The following MCTP1 variants were observed in gnomAD, a reference collection of about 807,000 sequenced individuals.
MCTP1 encodes the protein multiple C2 and transmembrane domain-containing protein 1.
Under a neutral mutation model 120.6 loss-of-function variants are expected in MCTP1, and 69 were observed. The observed-to-expected ratio is 0.57, with a 90% CI of 0.47 to 0.70. The LOEUF is 0.70. Ranked by LOEUF, MCTP1 falls within the 30% of genes least tolerant of loss-of-function variation. The pLI, the probability that MCTP1 is intolerant of heterozygous loss-of-function variation, is 0.00. For missense variants in MCTP1, 1,203 were observed against 1,248.8 expected, an observed-to-expected ratio of 0.96 and a Z score of 0.55; for synonymous variants, 529 against 493.1, an observed-to-expected ratio of 1.07 and a Z score of -0.96.
chr5:94,821,344 A>G (rs138896013), intron 17 of MCTP1, among the ~76,000 whole-genome samples: 110 of 152,352 alleles, frequency 7.2e-4, no homozygotes, highest in African/African-American at 2.4e-3. Flanking sequence ...AAATATCAAG[A>G]AAATTGTGAA....
intron 2 of MCTP1, among the ~76,000 whole-genome samples, chr5:94,975,459 C>G (rs1420132527): frequency 3.3e-5 from 5 of 152,054 alleles, no homozygotes; most frequent in Middle Eastern, 3.4e-3. Flanking sequence ...TGGCTGTCTA[C>G]AAGCCAGGAG....
chr5:94,953,592 T>C (rs962630962), intron 2 of MCTP1, among the ~76,000 whole-genome samples: 5 of 151,258 alleles, frequency 3.3e-5, no homozygotes, highest in Non-Finnish European at 2.9e-5. Flanking sequence ...AACCTTGTCC[T>C]GGCAGTTAAA....
chr5:94,821,037 A>G (rs1255786697), intron 17 of MCTP1, among the ~76,000 whole-genome samples: 1 of 152,216 alleles, frequency 6.6e-6, no homozygotes, highest in Non-Finnish European at 1.5e-5. Context: ...AAGGCCACCC[A>G]GCAAGTAAAT....
In MCTP1 at chr5:94,912,863, G is replaced by C; in HGVS notation, c.1464C>G (p.Asn488Lys). 1 of 1,594,022 alleles carries C rather than the reference G, an allele frequency of 6.3e-7. No homozygotes were observed. Among genetic ancestry groups the C allele is most frequent in the Non-Finnish European group, 8.5e-7 (1 of 1,171,172 alleles). ...EGRDLKAMDSNGLSDPYVKFR... is the reference protein window; with the variant it reads ...EGRDLKAMDSKGLSDPYVKFR... ...ACTTCACGTAGGGATCGCTCAACCCGTTGGAATCCATGGCCTTGAGGTCTC... is the reference window on the plus strand; with the variant it reads ...ACTTCACGTAGGGATCGCTCAACCCCTTGGAATCCATGGCCTTGAGGTCTC... The change falls in exon 9 of 23, where the codon AAC becomes AAG. Residue 488 changes from asparagine (N) to lysine (K), a missense_variant. Around this residue, in one of 2 missense-constraint regions of MCTP1, gnomAD observed 740 missense variants for 871.1 expected, o/e 0.85. Transcript: ENST00000515393.
chr5:94,950,679 C>T (rs758497942), intron 3 of MCTP1, among the ~76,000 whole-genome samples: 1 of 151,966 alleles, frequency 6.6e-6, no homozygotes, highest in African/African-American at 2.4e-5. Flanking sequence ...TTTGGCCAGG[C>T]GCGGTGGCTC....
At chr5:94,779,077 C>T (rs1382209064) in intron 19 of MCTP1, 33 bp downstream of exon 19, 2 of 1,584,536 alleles carry the variant, frequency 1.3e-6, no homozygotes, top group Admixed American at 1.7e-5. Context: ...TTTCCCCATC[C>T]CCAGGTACCC....
chr5:94,989,860 T>C (rs555862547), intron 2 of MCTP1, among the ~76,000 whole-genome samples: 5 of 152,232 alleles, frequency 3.3e-5, no homozygotes, highest in African/African-American at 1.2e-4. Flanking sequence ...TTGGAGAGCT[T>C]CTGGGTTGGT....
At chr5:95,089,672 C>T (rs1755699066) in intron 1 of MCTP1, among the ~76,000 whole-genome samples, 1 of 152,128 alleles carries the variant, frequency 6.6e-6, no homozygotes, top group Non-Finnish European at 1.5e-5. Context: ...AACCTGAATC[C>T]AGAGGGTCTC....
At chr5:95,167,003 G>C (rs185582790) in intron 1 of MCTP1, among the ~76,000 whole-genome samples, 6,646 of 149,842 alleles carry the variant, frequency 0.044, 178 homozygotes, top group Non-Finnish European at 0.066. Context: ...TGCCATGTTG[G>C]TGTGCTGCAC....
intron 19 of MCTP1, among the ~76,000 whole-genome samples, chr5:94,748,600 A>G (rs1347746918): frequency 1.3e-5 from 2 of 152,184 alleles, no homozygotes; most frequent in African/African-American, 4.8e-5. Flanking sequence ...TTATTCTCTG[A>G]TCTTTGTTCT....
At chr5:95,014,639 C>G (rs1022881370) in intron 2 of MCTP1, among the ~76,000 whole-genome samples, 1 of 152,060 alleles carries the variant, frequency 6.6e-6, no homozygotes, top group Admixed American at 6.6e-5. Context: ...ATTATTTGTA[C>G]AGTTCCTAGC....
rs542229110 is a variant in MCTP1 at position 95,213,644 on chromosome 5, T to C, written c.720+70212A>G. The stretch of plus-strand genomic sequence containing the variant: ...CAAGGCTACAGTAACCAAAACAGCA[T>C]GGTACTGGTACCAAAACAGAGATAT... On this transcript the variant is annotated intron_variant, in intron 1 of 22. Coordinates refer to ENST00000515393, the MANE Select transcript of MCTP1 (RefSeq NM_024717.7). 1.0e-3 allele frequency among the ~76,000 whole-genome samples: 156 copies of C among 151,742 alleles called. 1 individual carries two copies. Among genetic ancestry groups the C allele is most frequent in the African/African-American group, 3.6e-3 (148 of 41,372 alleles).
chr5:95,103,489 C>T (rs1298847617), intron 1 of MCTP1, among the ~76,000 whole-genome samples: 2 of 152,016 alleles, frequency 1.3e-5, no homozygotes, highest in Non-Finnish European at 2.9e-5. Flanking sequence ...AATAGCAGAG[C>T]CACATCATAA....
intron 2 of MCTP1, among the ~76,000 whole-genome samples, chr5:94,990,720 A>G (rs1243392362): frequency 2.6e-5 from 4 of 152,220 alleles, no homozygotes; most frequent in Non-Finnish European, 5.9e-5. Context: ...GGAATTATAC[A>G]AAGACATGGA....
At chr5:94,972,335 G>T (rs1827073269) in intron 2 of MCTP1, among the ~76,000 whole-genome samples, 1 of 151,262 alleles carries the variant, frequency 6.6e-6, no homozygotes, top group Non-Finnish European at 1.5e-5. Flanking sequence ...TGTCTTCTGT[G>T]GCAGGTTGAA....
At chr5:95,240,618 T>C (rs554475597) in intron 1 of MCTP1, among the ~76,000 whole-genome samples, 103 of 152,298 alleles carry the variant, frequency 6.8e-4, no homozygotes, top group Admixed American at 2.4e-3. Flanking sequence ...GTTTGACAAA[T>C]AGTGAATATT....
At chr5:94,736,131 T>G (rs1391843370) in intron 19 of MCTP1, among the ~76,000 whole-genome samples, 1 of 152,228 alleles carries the variant, frequency 6.6e-6, no homozygotes, top group Admixed American at 6.5e-5. Flanking sequence ...TTATACACAA[T>G]AAATGGCCAC....
intron 1 of MCTP1, among the ~76,000 whole-genome samples, chr5:95,263,333 T>C (rs1223553914): frequency 6.6e-6 from 1 of 152,166 alleles, no homozygotes; most frequent in African/African-American, 2.4e-5. Flanking sequence ...AGCCAAGCTA[T>C]GGATCAAAGC....
chr5:94,836,946 G>GT (rs199508676), intron 17 of MCTP1, among the ~76,000 whole-genome samples: 1,797 of 152,190 alleles, frequency 0.012, 8 homozygotes, highest in Non-Finnish European at 0.018. Context: ...TTGTTTGTTT[G>GT]TTTTTTTCCC....
Sources: allele counts gnomAD v4.1 joint callset (sites outside exome capture counted in the v4.1 genomes callset), GRCh38; gene constraint gnomAD v4.1.1; regional missense constraint gnomAD v4.1.1; transcripts MANE v1.5; gene names NCBI Gene and HGNC (gene_info 2026-07-23, HGNC 2026-07-21).